The following LCORL variants were observed in gnomAD, a reference collection of about 807,000 sequenced individuals.
LCORL encodes the protein ligand-dependent nuclear receptor corepressor-like protein.
Under a neutral mutation model 141.8 loss-of-function variants are expected in LCORL, and 41 were observed. The ratio of observed to expected loss-of-function variants is 0.29; its 90% CI spans 0.23 to 0.38. LCORL has a LOEUF of 0.38. Ranked by LOEUF, LCORL falls within the 10% of genes least tolerant of loss-of-function variation. LCORL has a pLI of 1.00. For missense variants in LCORL, 1,759 were observed against 2,035.0 expected (o/e 0.86, Z 2.61); for synonymous variants, 618 against 694.1 (o/e 0.89, Z 1.72).
intron 5 of LCORL, among the ~76,000 whole-genome samples, chr4:17,887,548 G>A (rs1192971005): frequency 6.6e-6 from 1 of 152,134 alleles, no homozygotes; most frequent in Non-Finnish European, 1.5e-5. Flanking sequence ...AACCATGTCT[G>A]GAATGTCAGA....
At chr4:17,963,953 A>T (rs1312480269) in intron 2 of LCORL, among the ~76,000 whole-genome samples, 1 of 152,112 alleles carries the variant, frequency 6.6e-6, no homozygotes, top group Non-Finnish European at 1.5e-5. Context: ...GAAATACATG[A>T]TGAAGTTGAA....
At chr4:17,912,202 G>A in intron 4 of LCORL, 1 of 806,898 alleles carries the variant, frequency 1.2e-6, no homozygotes, top group South Asian at 1.3e-5. Flanking sequence ...AGTCAAGTAT[G>A]AGACAAAGCT....
At chr4:17,979,753 ACCCAGTAC>A (rs1159497351) in intron 1 of LCORL, among the ~76,000 whole-genome samples, 4 of 152,178 alleles carry the variant, frequency 2.6e-5, no homozygotes, top group Non-Finnish European at 5.9e-5. Context: ...GAGTTCTAAT[ACCCAGTAC>A]CCTTGAGCAA....
At chr4:17,894,353 G>C (rs1165741189) in intron 5 of LCORL, among the ~76,000 whole-genome samples, 2 of 152,100 alleles carry the variant, frequency 1.3e-5, no homozygotes, top group Non-Finnish European at 2.9e-5. Flanking sequence ...TGGCAATAAA[G>C]CAAGTAACTC....
intron 1 of LCORL, among the ~76,000 whole-genome samples, chr4:17,993,682 G>A (rs977601362): frequency 6.6e-6 from 1 of 152,148 alleles, no homozygotes; most frequent in Non-Finnish European, 1.5e-5. Context: ...ATGAACCATG[G>A]AAAGTCTTGA....
chr4:17,955,921 T>C (rs988914441), intron 4 of LCORL, among the ~76,000 whole-genome samples: 1 of 152,100 alleles, frequency 6.6e-6, no homozygotes, highest in South Asian at 2.1e-4. Flanking sequence ...GTGTGGTCTA[T>C]ACATTGAAGG....
chr4:18,004,023 GA>G (rs763328471), intron 1 of LCORL, among the ~76,000 whole-genome samples: 14 of 152,196 alleles, frequency 9.2e-5, no homozygotes, highest in Non-Finnish European at 1.5e-4. Flanking sequence ...TCCTGCAGCA[GA>G]AACACAAGAG....
chr4:17,957,514 G>A (rs536732652), intron 4 of LCORL, among the ~76,000 whole-genome samples: 10 of 152,018 alleles, frequency 6.6e-5, no homozygotes, highest in Admixed American at 6.6e-4. Context: ...GTAGGAGACT[G>A]GGTCAAATTA....
chr4:18,000,392 A>G (rs1721757466), intron 1 of LCORL, among the ~76,000 whole-genome samples: 1 of 152,200 alleles, frequency 6.6e-6, no homozygotes, highest in African/African-American at 2.4e-5. Context: ...GAGGCTAAGA[A>G]AGGATTCCTG....
intron 1 of LCORL, among the ~76,000 whole-genome samples, chr4:18,006,565 T>A (rs1018508853): frequency 1.3e-5 from 2 of 152,136 alleles, no homozygotes; most frequent in Non-Finnish European, 2.9e-5. Context: ...TTTATGGGAT[T>A]TACAGTTTGA....
chr4:17,889,881 T>C (rs550619122), intron 5 of LCORL, among the ~76,000 whole-genome samples: 9 of 152,204 alleles, frequency 5.9e-5, no homozygotes, highest in Admixed American at 3.9e-4. Context: ...AAATATATGA[T>C]AAAAATCTGT....
chr4:17,863,561 T>G (rs975962829), intron 7 of LCORL, among the ~76,000 whole-genome samples: 3 of 152,190 alleles, frequency 2.0e-5, no homozygotes, highest in Non-Finnish European at 4.4e-5. Context: ...GTAAATTAGT[T>G]CAGCCATTTT....
At chr4:17,906,460 TAA>T (rs1427677491) in intron 5 of LCORL, among the ~76,000 whole-genome samples, 3 of 152,070 alleles carry the variant, frequency 2.0e-5, no homozygotes, top group Non-Finnish European at 4.4e-5. Context: ...CATATGACAA[TAA>T]GTCATTCAAA....
At chr4:17,871,742 T>C (rs1046526833) in intron 7 of LCORL, among the ~76,000 whole-genome samples, 24 of 151,982 alleles carry the variant, frequency 1.6e-4, no homozygotes, top group African/African-American at 4.8e-4. Flanking sequence ...CACTATCAGG[T>C]TTTTTTGCCT....
chr4:17,906,748 G>A (rs376089628), intron 5 of LCORL, among the ~76,000 whole-genome samples: 6 of 149,654 alleles, frequency 4.0e-5, no homozygotes, highest in Non-Finnish European at 5.9e-5. Flanking sequence ...ATGCAGTGGC[G>A]CGATCTTGGC....
At chr4:17,900,923 T>G (rs754858370) in intron 5 of LCORL, among the ~76,000 whole-genome samples, 2 of 152,142 alleles carry the variant, frequency 1.3e-5, no homozygotes, top group Non-Finnish European at 2.9e-5. Context: ...AGGAAACATA[T>G]AACTCTTAAG....
intron 1 of LCORL, among the ~76,000 whole-genome samples, chr4:18,013,130 CG>C (rs1301310061): frequency 2.0e-5 from 3 of 152,092 alleles, no homozygotes; most frequent in African/African-American, 7.2e-5. Context: ...CTCATCAACA[CG>C]TAACAATCCC....
intron 5 of LCORL, among the ~76,000 whole-genome samples, chr4:17,904,063 T>C (rs960000636): frequency 6.6e-6 from 1 of 151,940 alleles, no homozygotes; most frequent in African/African-American, 2.4e-5. Flanking sequence ...AAAAAAAATA[T>C]AAAACAATGA....
exon 3 of LCORL, chr4:17,963,046 C>A: frequency 6.3e-7 from 1 of 1,580,446 alleles, no homozygotes; most frequent in African/African-American, 1.4e-5. Context: ...TTCTGGTTCA[C>A]AGTCTTTAAA....
Sources: allele counts gnomAD v4.1 joint callset (sites outside exome capture counted in the v4.1 genomes callset), GRCh38; gene constraint gnomAD v4.1.1; transcripts MANE v1.5; gene names NCBI Gene and HGNC (gene_info 2026-07-23, HGNC 2026-07-21).